Variants in ATP11A observed in about 807,000 individuals in gnomAD.
The protein encoded by ATP11A is ATPase phospholipid transporting 11A.
A neutral mutation model predicts 154.4 loss-of-function variants in ATP11A; 81 were observed. That is an observed-to-expected ratio of 0.52 (90% CI 0.44 to 0.63). The LOEUF is 0.63. ATP11A is among the 30% of genes least tolerant of loss of function. ATP11A has a pLI of 0.00. For synonymous variants in ATP11A, 623 were observed against 585.9 expected (o/e 1.06, Z -0.91); for missense variants, 1,316 against 1,474.3 (o/e 0.89, Z 1.76).
At chr13:112,856,348 T>TA (rs34662024) in intron 20 of ATP11A, 35,957 of 175,542 alleles carry the variant, frequency 0.2, 3,773 homozygotes, top group Admixed American at 0.26. Context: ...TGACTTCTGT[T>TA]AAAAAAAAAA....
At chr13:112,823,485 G>A (rs961650992) in intron 9 of ATP11A, 76 bp downstream of exon 9, 8 of 1,234,050 alleles carry the variant, frequency 6.5e-6, no homozygotes, top group Non-Finnish European at 9.2e-6. Context: ...ACCCGCAGCG[G>A]AACCCGAGAG....
At chr13:112,779,581 A>G (rs2077448619) in intron 1 of ATP11A, among the ~76,000 whole-genome samples, 1 of 152,230 alleles carries the variant, frequency 6.6e-6, no homozygotes, top group African/African-American at 2.4e-5. Flanking sequence ...TAGAATTTAC[A>G]CAGAAGACTG....
rs1485109491 is a variant in ATP11A, at chr13:112,806,101, G to A, written c.253-112G>A. The A allele has an allele frequency of 4.2e-6, 3 of 720,730 alleles. No individual in the cohort carries two copies. In the African/African-American group the frequency reaches 5.3e-5, roughly 13 times the overall value. 44.6% of individuals were successfully genotyped at this position (720,730 alleles called of 1,614,324 possible). On this transcript the variant is annotated intron_variant, in intron 3 of 29. Transcript: ENST00000375645. ...GGTGGGCAGTCAGGTGCCAGCAAAG[G>A]TCTTTAAATAAGTCAAAGCGAATGG...
chr13:112,777,499 G>GGTT (rs2077376554), intron 1 of ATP11A, among the ~76,000 whole-genome samples: 1 of 152,212 alleles, frequency 6.6e-6, no homozygotes, highest in African/African-American at 2.4e-5. Context: ...GGGAGGCGAA[G>GGTT]GTTGCAGTGT....
intron 2 of ATP11A, among the ~76,000 whole-genome samples, chr13:112,791,029 G>A (rs2077838902): frequency 6.6e-6 from 1 of 152,214 alleles, no homozygotes. Context: ...CCAAAATATT[G>A]TCTCTGCAGT....
At chr13:112,817,100 A>G (rs1389664312) in intron 6 of ATP11A, among the ~76,000 whole-genome samples, 2 of 152,208 alleles carry the variant, frequency 1.3e-5, no homozygotes, top group African/African-American at 2.4e-5. Flanking sequence ...CAATCATACA[A>G]GAAAAGATAT....
chr13:112,752,934 G>A (rs77930963), intron 1 of ATP11A, among the ~76,000 whole-genome samples: 2,116 of 152,290 alleles, frequency 0.014, 45 homozygotes, highest in African/African-American at 0.04. Context: ...AGTTAATGGA[G>A]GGACTGGCTG....
intron 17 of ATP11A, 69 bp downstream of exon 17, chr13:112,842,448 C>A: frequency 8.7e-7 from 1 of 1,148,556 alleles, no homozygotes; most frequent in South Asian, 1.3e-5. Context: ...ATTCCATGTT[C>A]CACAAGTTCC....
chr13:112,790,595 T>C (rs1301452733), intron 2 of ATP11A, among the ~76,000 whole-genome samples: 6 of 150,548 alleles, frequency 4.0e-5, no homozygotes. Flanking sequence ...ACACCGGGTG[T>C]CCTGATGTGT....
intron 2 of ATP11A, among the ~76,000 whole-genome samples, chr13:112,789,173 C>T (rs1338382563): frequency 6.7e-6 from 1 of 150,332 alleles, no homozygotes; most frequent in African/African-American, 2.5e-5. Context: ...TGTGTAGACT[C>T]CTGTGGAGAC....
intron 1 of ATP11A, among the ~76,000 whole-genome samples, chr13:112,758,960 A>G (rs2139862105): frequency 2.6e-5 from 4 of 152,366 alleles, no homozygotes; most frequent in African/African-American, 9.6e-5. Context: ...TTACATTTTC[A>G]GTTAAGATGT....
intron 1 of ATP11A, among the ~76,000 whole-genome samples, chr13:112,776,246 AGT>A (rs1325654314): frequency 6.6e-6 from 1 of 152,172 alleles, no homozygotes; most frequent in African/African-American, 2.4e-5. Context: ...CAGCCCCTGT[AGT>A]GTGTCCTGTG....
chr13:112,731,765 C>T (rs1027466075), intron 1 of ATP11A, among the ~76,000 whole-genome samples: 10 of 152,134 alleles, frequency 6.6e-5, no homozygotes, highest in Admixed American at 3.9e-4. Context: ...ACCTATGCTA[C>T]GAACATATCA....
rs746713101 is a variant in ATP11A at position 112,855,905 on chromosome 13, T to C, written c.2244-6T>C. ...AGCAATCTTTCTGACTCACGTACTC[T>C]AACAGACTTTCAGCAGATATGCAGG... On this transcript the variant is annotated splice_region_variant and splice_polypyrimidine_tract_variant and intron_variant, in intron 19 of 29. Coordinates refer to ENST00000375645, the MANE Select transcript of ATP11A (RefSeq NM_015205.3). 2.5e-6 allele frequency: 4 copies of C among 1,604,720 alleles called. No individual in the cohort carries two copies. Among genetic ancestry groups the C allele is most frequent in the Non-Finnish European group, 3.4e-6 (4 of 1,173,612 alleles).
intron 8 of ATP11A, among the ~76,000 whole-genome samples, chr13:112,821,709 G>A (rs936561115): frequency 9.9e-5 from 15 of 152,114 alleles, no homozygotes; most frequent in African/African-American, 3.1e-4. Flanking sequence ...TAAGAATTAC[G>A]CACCCAAATT....
chr13:112,706,971 A>G (rs1254930200), intron 1 of ATP11A, among the ~76,000 whole-genome samples: 2 of 152,246 alleles, frequency 1.3e-5, no homozygotes, highest in African/African-American at 4.8e-5. Context: ...TGTGGAAAAG[A>G]CGTTAGACAA....
chr13:112,875,389 T>C lies in ATP11A; in HGVS notation c.3162-387T>C, dbSNP rs1594252132. ...ATCCTCTTTCTGGGGAGAGAAGTCA[T>C]TGCTTGCTCTGTACTGACGACCAGT... On this transcript the variant is annotated intron_variant, in intron 27 of 29. Coordinates refer to ENST00000375645, the MANE Select transcript of ATP11A (RefSeq NM_015205.3). This position sits in a 1 kb window ranked among gnomAD's most constrained non-coding sequence, Gnocchi z 4.1. 6.6e-6 allele frequency among the ~76,000 whole-genome samples: 1 copy of C among 152,170 alleles called. No individual in the cohort carries two copies. Among genetic ancestry groups the C allele is most frequent in the Non-Finnish European group, 1.5e-5 (1 of 68,028 alleles).
intron 1 of ATP11A, among the ~76,000 whole-genome samples, chr13:112,747,878 T>C (rs1892364128): frequency 6.6e-6 from 1 of 151,638 alleles, no homozygotes; most frequent in East Asian, 1.9e-4. Context: ...CAGGATTGTA[T>C]GCAGAAAGAA....
intron 1 of ATP11A, among the ~76,000 whole-genome samples, chr13:112,722,706 T>C (rs1889338610): frequency 6.6e-6 from 1 of 152,202 alleles, no homozygotes. Context: ...TAAAATACTT[T>C]AGAAAGATTT....
Sources: gnomAD v4.1 joint callset for allele counts (sites outside exome capture counted in the v4.1 genomes callset) on GRCh38, gnomAD v4.1.1 for gene constraint, Gnocchi (gnomAD v3.1) non-coding constraint, MANE v1.5 for transcripts, NCBI Gene and HGNC (gene_info 2026-07-23, HGNC 2026-07-21) for gene names.